The following ENTREP2 variants were observed in gnomAD, a reference collection of about 807,000 sequenced individuals.
ENTREP2 encodes protein ENTREP2.
At chr15:29,552,118 C>G in the ENTREP2 span, among the ~76,000 whole-genome samples, 1 of 152,130 alleles carries the variant, frequency 6.6e-6, no homozygotes. Context: ...CCTTCCTTTC[C>G]TCTCCCCATC....
chr15:29,500,357 C>CTG, the ENTREP2 span, among the ~76,000 whole-genome samples: 4 of 152,054 alleles, frequency 2.6e-5, no homozygotes, highest in African/African-American at 9.7e-5. Flanking sequence ...AAACAAGTCT[C>CTG]TGTAAATCTT....
At chr15:29,346,113 A>G in the ENTREP2 span, among the ~76,000 whole-genome samples, 2 of 152,336 alleles carry the variant, frequency 1.3e-5, no homozygotes, top group Non-Finnish European at 2.9e-5. Flanking sequence ...TCAAAGGCAG[A>G]AGCTGCGCTG....
the ENTREP2 span, among the ~76,000 whole-genome samples, chr15:29,602,064 G>A: frequency 2.0e-5 from 3 of 152,310 alleles, no homozygotes; most frequent in East Asian, 5.8e-4. Context: ...GGAAGACTGA[G>A]TTATTTAATG....
At chr15:29,135,172 A>C in the ENTREP2 span, among the ~76,000 whole-genome samples, 1 of 142,342 alleles carries the variant, frequency 7.0e-6, no homozygotes, top group Non-Finnish European at 1.5e-5. This position sits in a 1 kb window ranked among gnomAD's most constrained non-coding sequence, Gnocchi z 7.4. Context: ...CCTCTGCTCC[A>C]ACTCACTGCT....
At chr15:29,226,659 C>T in the ENTREP2 span, among the ~76,000 whole-genome samples, 1 of 152,200 alleles carries the variant, frequency 6.6e-6, no homozygotes, top group South Asian at 2.1e-4. Flanking sequence ...GCCCTGGTTA[C>T]TATGGGGCTC....
chr15:29,231,326 TAAAG>T, the ENTREP2 span, among the ~76,000 whole-genome samples: 1 of 152,172 alleles, frequency 6.6e-6, no homozygotes, highest in African/African-American at 2.4e-5. Context: ...AGTCAAAAGA[TAAAG>T]AACCACTTGA....
the ENTREP2 span, among the ~76,000 whole-genome samples, chr15:29,134,869 A>G: frequency 6.6e-6 from 1 of 152,074 alleles, no homozygotes; most frequent in East Asian, 1.9e-4. Flanking sequence ...GTGACATCAA[A>G]AGGTCTGAAC....
the ENTREP2 span, among the ~76,000 whole-genome samples, chr15:29,300,775 T>C: frequency 0.16 from 24,678 of 152,080 alleles, 3,365 homozygotes; most frequent in African/African-American, 0.38. Context: ...ATTTTTTGTA[T>C]TTTTAGTAGA....
At chr15:29,280,660 G>A in the ENTREP2 span, among the ~76,000 whole-genome samples, 84,421 of 152,122 alleles carry the variant, frequency 0.55, 25,021 homozygotes, top group Middle Eastern at 0.68. Context: ...CATCAGGAAG[G>A]AAGAGAGCAG....
the ENTREP2 span, among the ~76,000 whole-genome samples, chr15:29,378,006 A>G: frequency 6.6e-6 from 1 of 151,608 alleles, no homozygotes; most frequent in Admixed American, 6.6e-5. Flanking sequence ...GGACAAGAAG[A>G]TGAGGTTGAA....
At chr15:29,231,950 C>T in the ENTREP2 span, among the ~76,000 whole-genome samples, 35 of 140,856 alleles carry the variant, frequency 2.5e-4, no homozygotes, top group African/African-American at 8.0e-4. Context: ...GAGTGAGTGG[C>T]GCAATCTTGG....
the ENTREP2 span, among the ~76,000 whole-genome samples, chr15:29,134,658 C>T: frequency 0.15 from 22,991 of 152,210 alleles, 1,916 homozygotes; most frequent in African/African-American, 0.23. Context: ...CTGCCTGCAA[C>T]GGTGACCAGT....
At chr15:29,549,369 A>C in the ENTREP2 span, among the ~76,000 whole-genome samples, 1 of 151,150 alleles carries the variant, frequency 6.6e-6, no homozygotes, top group Non-Finnish European at 1.5e-5. Context: ...TCCCAGGTTC[A>C]CACCATTCTC....
At chr15:29,360,424 T>C in the ENTREP2 span, among the ~76,000 whole-genome samples, 5 of 152,174 alleles carry the variant, frequency 3.3e-5, no homozygotes, top group African/African-American at 1.2e-4. Flanking sequence ...ATTTCTAAGG[T>C]AGACATCAGA....
At chr15:29,401,648 T>A in the ENTREP2 span, among the ~76,000 whole-genome samples, 1 of 152,312 alleles carries the variant, frequency 6.6e-6, no homozygotes, top group Admixed American at 6.5e-5. Flanking sequence ...ATGGTTTCAA[T>A]CCTGGGAATT....
chr15:29,225,085 C>G, the ENTREP2 span, among the ~76,000 whole-genome samples: 1 of 152,236 alleles, frequency 6.6e-6, no homozygotes, highest in Non-Finnish European at 1.5e-5. Flanking sequence ...CTCACGCTGG[C>G]CCGCAAGCAC....
the ENTREP2 span, among the ~76,000 whole-genome samples, chr15:29,667,348 C>T: frequency 3.3e-5 from 5 of 151,386 alleles, no homozygotes; most frequent in East Asian, 1.9e-4. Flanking sequence ...CCACCATGCC[C>T]GGCTAATTTT....
At chr15:29,637,373 G>A in the ENTREP2 span, among the ~76,000 whole-genome samples, 5 of 152,282 alleles carry the variant, frequency 3.3e-5, no homozygotes, top group East Asian at 9.6e-4. Flanking sequence ...CTTGCAATGG[G>A]GACATATGCA....
At chr15:29,156,795 C>T in the ENTREP2 span, among the ~76,000 whole-genome samples, 1 of 152,088 alleles carries the variant, frequency 6.6e-6, no homozygotes, top group Non-Finnish European at 1.5e-5. Flanking sequence ...TGCGCGTGGG[C>T]CAGGGACTGT....
Sources: gnomAD v4.1 joint callset for allele counts (sites outside exome capture counted in the v4.1 genomes callset) on GRCh38, gnomAD v4.1.1 for gene constraint, Gnocchi (gnomAD v3.1) non-coding constraint, MANE v1.5 for transcripts, NCBI Gene and HGNC (gene_info 2026-07-23, HGNC 2026-07-21) for gene names.